Variants in NUDT3 observed in about 807,000 individuals in gnomAD.
NUDT3 encodes diphosphoinositol polyphosphate phosphohydrolase 1.
Under a neutral mutation model 23.6 loss-of-function variants are expected in NUDT3, and 9 were observed. That is an observed-to-expected ratio of 0.38 (90% CI 0.23 to 0.66). NUDT3 has a LOEUF of 0.66. Ranked by LOEUF, NUDT3 falls within the 30% of genes least tolerant of loss-of-function variation. The probability of loss-of-function intolerance (pLI) is 0.52; values close to 1 mark genes in which losing one functional copy is unlikely to be tolerated. For synonymous variants in NUDT3, 86 were observed against 82.6 expected, an observed-to-expected ratio of 1.04 and a Z score of -0.22; for missense variants, 172 against 218.5, an observed-to-expected ratio of 0.79 and a Z score of 1.34.
chr6:34,322,887 T>C (rs1477518098), intron 2 of NUDT3, among the ~76,000 whole-genome samples: 6 of 152,196 alleles, frequency 3.9e-5, no homozygotes, highest in South Asian at 2.1e-4. Context: ...ATAAAGAAAG[T>C]GTACATATAC....
At chr6:34,335,063 C>A (rs1335479171) in intron 2 of NUDT3, among the ~76,000 whole-genome samples, 1 of 152,096 alleles carries the variant, frequency 6.6e-6, no homozygotes, top group Non-Finnish European at 1.5e-5. Context: ...AAACAAGCAA[C>A]ATCAATAAAG....
chr6:34,341,906 C>T lies in NUDT3; in HGVS notation c.166G>A (p.Glu56Lys), dbSNP rs754744474. ...ACTGCTGCCACACTTGGCTCCTCCT[C>T]GGGCTCCATGCCTCCTCCAGGGACA... Reference protein sequence around the residue: ...WIVPGGGMEPEEEPSVAAVRE... With the variant: ...WIVPGGGMEPKEEPSVAAVRE... The change falls in exon 2 of 5, where the codon GAG becomes AAG. Residue 56 changes from glutamate (E) to lysine (K), a missense_variant. This residue lies in a region of NUDT3 where 59 missense variants were observed against 107.4 expected (regional missense o/e 0.55). Transcript: ENST00000607016. The T allele has an allele frequency of 1.4e-5, 22 of 1,613,996 alleles. No homozygotes were observed. Among genetic ancestry groups the T allele is most frequent in the East Asian group, 1.3e-4 (6 of 44,890 alleles).
In NUDT3 at chr6:34,285,932, C is replaced by G. The variant is rs1326950556; in HGVS notation, c.*2821G>C. 1 of 152,212 alleles carries G rather than the reference C, an allele frequency of 6.6e-6. No individual in the cohort carries two copies. Among genetic ancestry groups the G allele is most frequent in the African/African-American group, 2.4e-5 (1 of 41,440 alleles). 9.4% of individuals were successfully genotyped at this position (152,212 alleles called of 1,614,324 possible). ...CCATTCATGTCACTGAAAAATACTT[C>G]TTGGCACAGTTCACTTTCCTGACCC... is the stretch of plus-strand genomic sequence containing the variant. On this transcript the variant is annotated 3_prime_UTR_variant, in exon 5 of 5. Coordinates refer to ENST00000607016, the MANE Select transcript of NUDT3 (RefSeq NM_006703.4).
chr6:34,307,310 G>A (rs1763697077), intron 2 of NUDT3, among the ~76,000 whole-genome samples: 1 of 152,140 alleles, frequency 6.6e-6, no homozygotes, highest in South Asian at 2.1e-4. Flanking sequence ...CAGGTGTGGT[G>A]GCTCATGCCT....
chr6:34,325,167 C>T (rs1299544026), intron 2 of NUDT3, among the ~76,000 whole-genome samples: 1 of 152,226 alleles, frequency 6.6e-6, no homozygotes, highest in Non-Finnish European at 1.5e-5. Flanking sequence ...AAAACTGCCT[C>T]ACACCACCTT....
At chr6:34,381,206 C>T (rs987068850) in intron 1 of NUDT3, among the ~76,000 whole-genome samples, 11 of 151,924 alleles carry the variant, frequency 7.2e-5, no homozygotes, top group Non-Finnish European at 1.3e-4. Context: ...TTTATAGAGA[C>T]GAGGTCCCAC....
intron 1 of NUDT3, among the ~76,000 whole-genome samples, chr6:34,360,979 T>C (rs1364204790): frequency 6.6e-6 from 1 of 152,156 alleles, no homozygotes; most frequent in Non-Finnish European, 1.5e-5. Flanking sequence ...TCCTAGCACT[T>C]TGAAAGGCTG....
chr6:34,296,417 T>C (rs1156436167), intron 2 of NUDT3, among the ~76,000 whole-genome samples: 1 of 151,740 alleles, frequency 6.6e-6, no homozygotes, highest in Non-Finnish European at 1.5e-5. Context: ...CTACAAAAAA[T>C]ACAAAAATTA....
intron 2 of NUDT3, among the ~76,000 whole-genome samples, chr6:34,324,364 A>C (rs1234818571): frequency 6.6e-6 from 1 of 152,084 alleles, no homozygotes; most frequent in African/African-American, 2.4e-5. Context: ...CCAAAAAAAA[A>C]AAAAAGCCTT....
At chr6:34,290,756 A>T (rs1168666083) in intron 4 of NUDT3, among the ~76,000 whole-genome samples, 1 of 147,062 alleles carries the variant, frequency 6.8e-6, no homozygotes, top group African/African-American at 2.5e-5. Context: ...TCATTCACTT[A>T]AGCATTTCCA....
intron 2 of NUDT3, among the ~76,000 whole-genome samples, chr6:34,327,462 G>C (rs147044721): frequency 0.087 from 13,140 of 151,148 alleles, 1,284 homozygotes; most frequent in East Asian, 0.43. Context: ...CCTGGGAGGT[G>C]GAGGTTGCAG....
At position 34,392,407 on chromosome 6, in the gene NUDT3, G is replaced by T; in HGVS notation, c.-45C>A. On this transcript the variant is annotated 5_prime_UTR_variant, in exon 1 of 5. Transcript: ENST00000607016. ...GTGCGGTGCGGGTCGCAGGAGTCGA[G>T]GGGTGGGGAGCCCGCTCTGGACGGC... is the stretch of plus-strand genomic sequence containing the variant. 6.7e-7 allele frequency: 1 copy of T among 1,491,598 alleles called. No homozygotes were observed. 92.4% of individuals were successfully genotyped at this position (1,491,598 alleles called of 1,614,324 possible). A position where few individuals can be genotyped will look rare whatever the true frequency, so the allele number is the denominator to read the frequency against.
Position 34,392,406 on chromosome 6 carries a change from A to AG in NUDT3, c.-45dup. ...GGTGCGGTGCGGGTCGCAGGAGTCGAGGGGTGGGGAGCCCGCTCTGGACGG... is the reference window on the plus strand; with the variant it reads ...GGTGCGGTGCGGGTCGCAGGAGTCGAGGGGGTGGGGAGCCCGCTCTGGACGG... On this transcript the variant is annotated 5_prime_UTR_variant, in exon 1 of 5. Coordinates refer to ENST00000607016, the MANE Select transcript of NUDT3 (RefSeq NM_006703.4). 1 of 1,483,746 alleles carries AG rather than the reference A, an allele frequency of 6.7e-7. No individual in the cohort carries two copies. Among genetic ancestry groups the AG allele is most frequent in the Non-Finnish European group, 9.2e-7 (1 of 1,087,644 alleles). The allele number at this position is 1,483,746 out of a possible 1,614,324, so 91.9% of individuals were successfully genotyped here.
In NUDT3 at chr6:34,308,412, G is replaced by A. The variant is rs139302908; in HGVS notation, c.211-12727C>T. On this transcript the variant is annotated intron_variant, in intron 2 of 4. Transcript: ENST00000607016. ...GGAGGTCGAGACTGCAGTGAGCACT[G>A]ATTGCACCACTGCACTCCAGCCTGG... 4.4e-3 allele frequency among the ~76,000 whole-genome samples: 647 copies of A among 148,470 alleles called. 2 individuals carry two copies. Among genetic ancestry groups the A allele is most frequent in the African/African-American group, 0.015 (616 of 39,830 alleles).
chr6:34,325,080 G>C (rs987143982), intron 2 of NUDT3, among the ~76,000 whole-genome samples: 2 of 152,178 alleles, frequency 1.3e-5, no homozygotes, highest in Non-Finnish European at 2.9e-5. Context: ...CCAGAAACAG[G>C]AGATTCAATA....
At chr6:34,368,665 G>GTC (rs1474013047) in intron 1 of NUDT3, among the ~76,000 whole-genome samples, 1 of 152,126 alleles carries the variant, frequency 6.6e-6, no homozygotes, top group Non-Finnish European at 1.5e-5. Flanking sequence ...TTGAGACAGA[G>GTC]TCTCACTCTG....
At chr6:34,332,123 C>G (rs1764137592) in intron 2 of NUDT3, among the ~76,000 whole-genome samples, 1 of 152,096 alleles carries the variant, frequency 6.6e-6, no homozygotes, top group Admixed American at 6.5e-5. Flanking sequence ...TAACCTCTAG[C>G]CACCATGTCC....
At chr6:34,342,582 T>G (rs957127336) in intron 1 of NUDT3, among the ~76,000 whole-genome samples, 1 of 152,228 alleles carries the variant, frequency 6.6e-6, no homozygotes, top group Middle Eastern at 3.2e-3. Flanking sequence ...AAAACTGGAC[T>G]TTTTTAAAAG....
In NUDT3 at chr6:34,282,685, G is replaced by A. The variant is rs1359666773; in HGVS notation, c.*6068C>T. The A allele has an allele frequency of 2.6e-5, 4 of 152,180 alleles. No individual in the cohort carries two copies. The highest frequency in any genetic ancestry group is 7.2e-5 in the African/African-American group (3 of 41,454). The allele number at this position is 152,180 out of a possible 1,614,324, so 9.4% of individuals were successfully genotyped here. A position where few individuals can be genotyped will look rare whatever the true frequency, so the allele number is the denominator to read the frequency against. Reference sequence around the variant, plus strand: ...GCTGGGAGGCTTGGGGGCAGGAAAGGGAGGGTGGAAGGATGGGTAGCACAT... The same window carrying A: ...GCTGGGAGGCTTGGGGGCAGGAAAGAGAGGGTGGAAGGATGGGTAGCACAT... On this transcript the variant is annotated 3_prime_UTR_variant, in exon 5 of 5. Transcript: ENST00000607016.
Sources: allele counts gnomAD v4.1 joint callset (sites outside exome capture counted in the v4.1 genomes callset), GRCh38; gene constraint gnomAD v4.1.1; regional missense constraint gnomAD v4.1.1; transcripts MANE v1.5; gene names NCBI Gene and HGNC (gene_info 2026-07-23, HGNC 2026-07-21).